The following AFF2 variants were observed in gnomAD, a reference collection of about 807,000 sequenced individuals.
AFF2 encodes the protein AF4/FMR2 family member 2.
A neutral mutation model predicts 76.9 loss-of-function variants in AFF2; 14 were observed. That is an observed-to-expected ratio of 0.18 (90% CI 0.12 to 0.28). The LOEUF is 0.28. AFF2 is among the 10% of genes least tolerant of loss of function. AFF2 has a pLI of 1.00. For synonymous variants in AFF2, 398 were observed against 366.7 expected (o/e 1.09, Z -0.98); for missense variants, 868 against 1,001.1 (o/e 0.87, Z 1.79).
chrX:148,870,941 G>C (rs1421631281), intron 7 of AFF2, among the ~76,000 whole-genome samples: 2 of 111,399 alleles, frequency 1.8e-5, no homozygotes, highest in African/African-American at 6.5e-5. Flanking sequence ...GGAATGGAAG[G>C]TGGCAGTGGG....
chrX:148,858,678 G>A (rs57585009), intron 7 of AFF2, among the ~76,000 whole-genome samples: 7,851 of 110,565 alleles, frequency 0.071, 570 homozygotes, highest in African/African-American at 0.21. Context: ...TAAGTACTTG[G>A]AAATGGAGAT....
intron 3 of AFF2, among the ~76,000 whole-genome samples, chrX:148,793,602 G>A (rs185310941): frequency 1.1e-4 from 12 of 111,483 alleles, no homozygotes; most frequent in East Asian, 5.7e-4. Context: ...GAATTAAATC[G>A]TAATCAATTC....
intron 1 of AFF2, among the ~76,000 whole-genome samples, chrX:148,547,550 G>A (rs1038487980): frequency 8.9e-6 from 1 of 112,241 alleles, no homozygotes; most frequent in Non-Finnish European, 1.9e-5. Context: ...CTGTGGGCCA[G>A]TTACTATGCT....
chrX:148,868,323 A>G (rs1187228573), intron 7 of AFF2, among the ~76,000 whole-genome samples: 6 of 111,966 alleles, frequency 5.4e-5, no homozygotes, highest in African/African-American at 1.9e-4. Flanking sequence ...GCATCCCAAT[A>G]GTGATTTTCA....
chrX:148,695,230 A>G (rs2054705709), intron 3 of AFF2, among the ~76,000 whole-genome samples: 1 of 112,010 alleles, frequency 8.9e-6, no homozygotes, highest in South Asian at 3.7e-4. Context: ...GAGCCTATTA[A>G]GTACAAATTG....
intron 1 of AFF2, among the ~76,000 whole-genome samples, chrX:148,568,837 A>T (rs1263368838): frequency 8.9e-6 from 1 of 111,879 alleles, no homozygotes; most frequent in African/African-American, 3.2e-5. Context: ...ACTTCCTCAG[A>T]TCTAAAATAT....
At chrX:148,617,706 T>G (rs1184130494) in intron 1 of AFF2, among the ~76,000 whole-genome samples, 2 of 112,573 alleles carry the variant, frequency 1.8e-5, no homozygotes, top group Non-Finnish European at 3.8e-5. Flanking sequence ...CGCCTTATGT[T>G]TACTCCTTGT....
At chrX:148,666,280 A>C (rs782220557) in intron 3 of AFF2, among the ~76,000 whole-genome samples, 10 of 112,287 alleles carry the variant, frequency 8.9e-5, no homozygotes, top group Non-Finnish European at 1.5e-4. Flanking sequence ...ATTTTAACAA[A>C]TAATTTGTTT....
At chrX:148,907,500 G>T (rs1263543384) in intron 9 of AFF2, among the ~76,000 whole-genome samples, 1 of 111,668 alleles carries the variant, frequency 9.0e-6, no homozygotes, top group African/African-American at 3.3e-5. Context: ...ACAAAAGAGA[G>T]AAGTTTTAAA....
chrX:148,658,358 C>T (rs940028719), intron 2 of AFF2, among the ~76,000 whole-genome samples: 16 of 112,059 alleles, frequency 1.4e-4, no homozygotes, highest in African/African-American at 5.2e-4. Flanking sequence ...TGTCACACGT[C>T]CTTCCTTCTG....
intron 1 of AFF2, among the ~76,000 whole-genome samples, chrX:148,535,565 G>A (rs2052774869): frequency 1.8e-5 from 2 of 112,463 alleles, no homozygotes; most frequent in African/African-American, 3.2e-5. Flanking sequence ...TACTCAAGGC[G>A]GCATTCAGGC....
intron 9 of AFF2, among the ~76,000 whole-genome samples, chrX:148,906,438 A>T (rs1459937925): frequency 1.8e-5 from 2 of 111,849 alleles, no homozygotes; most frequent in African/African-American, 6.5e-5. Context: ...AAGAATTCCT[A>T]AGCCTAGCTG....
intron 3 of AFF2, among the ~76,000 whole-genome samples, chrX:148,732,732 T>C (rs2055242958): frequency 9.1e-6 from 1 of 109,859 alleles, no homozygotes; most frequent in Non-Finnish European, 1.9e-5. Context: ...TCAGCATTGC[T>C]TAGAGGGCCA....
chrX:148,709,231 AGG>A (rs2054927989), intron 3 of AFF2, among the ~76,000 whole-genome samples: 1 of 111,908 alleles, frequency 8.9e-6, no homozygotes, highest in East Asian at 2.8e-4. Flanking sequence ...AAATTTTTTT[AGG>A]CTAATCAAAT....
intron 8 of AFF2, among the ~76,000 whole-genome samples, chrX:148,886,216 C>T (rs991941538): frequency 1.8e-5 from 2 of 111,224 alleles, no homozygotes; most frequent in Non-Finnish European, 3.8e-5. Context: ...CTTTCAACCC[C>T]CTCCCATCTC....
At chrX:148,710,048 T>C (rs1258409135) in intron 3 of AFF2, among the ~76,000 whole-genome samples, 3 of 111,841 alleles carry the variant, frequency 2.7e-5, no homozygotes, top group Middle Eastern at 4.2e-3. Flanking sequence ...TCATGGGCTA[T>C]TTAAACTGGA....
At chrX:148,510,404 TG>T (rs1157719005) in intron 1 of AFF2, among the ~76,000 whole-genome samples, 4 of 111,765 alleles carry the variant, frequency 3.6e-5, no homozygotes, top group African/African-American at 1.3e-4. Flanking sequence ...AGTATGTTGC[TG>T]AGCTTGAATT....
At chrX:148,725,424 A>G (rs1488268826) in intron 3 of AFF2, among the ~76,000 whole-genome samples, 16 of 111,172 alleles carry the variant, frequency 1.4e-4, no homozygotes, top group Non-Finnish European at 3.8e-5. Flanking sequence ...TAAAACATGG[A>G]GCACAAACAG....
chrX:148,914,847 T>C (rs1440901600), intron 9 of AFF2, among the ~76,000 whole-genome samples: 3 of 112,899 alleles, frequency 2.7e-5, no homozygotes, highest in African/African-American at 9.7e-5. Context: ...AAAATTTCTT[T>C]CTGAATGTAT....
Sources: gnomAD v4.1 joint callset for allele counts (sites outside exome capture counted in the v4.1 genomes callset) on GRCh38, gnomAD v4.1.1 for gene constraint, MANE v1.5 for transcripts, NCBI Gene and HGNC (gene_info 2026-07-23, HGNC 2026-07-21) for gene names.